Variants in DPYSL3 observed in about 807,000 individuals in gnomAD.
DPYSL3 encodes the protein dihydropyrimidinase-related protein 3.
DPYSL3 carries 16 observed loss-of-function variants against 66.1 expected under a neutral mutation model. The ratio of observed to expected loss-of-function variants is 0.24; its 90% CI spans 0.16 to 0.37. The LOEUF (loss-of-function observed/expected upper bound fraction) is 0.37, where lower values mean the gene tolerates loss of function less well. Ranked by LOEUF, DPYSL3 falls within the 10% of genes least tolerant of loss-of-function variation. The pLI is 1.00. For synonymous variants in DPYSL3, 338 were observed against 345.1 expected (o/e 0.98, Z 0.23); for missense variants, 738 against 916.2 (o/e 0.81, Z 2.51).
At chr5:147,407,962 T>C (rs1751743046) in intron 7 of DPYSL3, among the ~76,000 whole-genome samples, 1 of 152,200 alleles carries the variant, frequency 6.6e-6, no homozygotes, top group Non-Finnish European at 1.5e-5. Flanking sequence ...ATGTGTTCTA[T>C]TTATATTTTA....
intron 1 of DPYSL3, among the ~76,000 whole-genome samples, chr5:147,434,588 A>G (rs1262884804): frequency 6.6e-6 from 1 of 152,230 alleles, no homozygotes; most frequent in Non-Finnish European, 1.5e-5. Context: ...TGTAACTACT[A>G]GCCATGAAGT....
chr5:147,423,487 A>C (rs1390273596), intron 2 of DPYSL3, among the ~76,000 whole-genome samples: 1 of 152,234 alleles, frequency 6.6e-6, no homozygotes, highest in Non-Finnish European at 1.5e-5. Flanking sequence ...ATTGAGAGAA[A>C]GCATGCAAAA....
At chr5:147,442,727 A>C (rs569782695) in intron 1 of DPYSL3, among the ~76,000 whole-genome samples, 1 of 152,244 alleles carries the variant, frequency 6.6e-6, no homozygotes, top group East Asian at 1.9e-4. Context: ...TAAAAATTAA[A>C]TTATGGAAGG....
At position 147,392,597 on chromosome 5, in the gene DPYSL3, A is replaced by G. The variant is rs1757843709; in HGVS notation, c.*1438T>C. On this transcript the variant is annotated 3_prime_UTR_variant, in exon 14 of 14. Transcript: ENST00000343218. ...TTCTATAGATTCTTATCTTGCTCAC[A>G]GGACTTGCTCCAAAACTGAATTTTC... 6.6e-6 allele frequency: 1 copy of G among 152,266 alleles called. No individual in the cohort carries two copies. The highest frequency in any genetic ancestry group is 2.4e-5 in the African/African-American group (1 of 41,474). 9.4% of individuals were successfully genotyped at this position (152,266 alleles called of 1,614,324 possible).
At chr5:147,489,214 A>G (rs901688682) in intron 1 of DPYSL3, among the ~76,000 whole-genome samples, 32 of 151,784 alleles carry the variant, frequency 2.1e-4, no homozygotes, top group African/African-American at 7.5e-4. Context: ...CTGCTTTCCT[A>G]TTTTGATTCT....
At position 147,392,283 on chromosome 5, in the gene DPYSL3, G is replaced by A. The variant is rs566108899; in HGVS notation, c.*1752C>T. ...AGCTTCCCTATTCTAAGGGGAAATA[G>A]TCTTTTTTCATGATTTGAACAGAAG... On this transcript the variant is annotated 3_prime_UTR_variant, in exon 14 of 14. Coordinates refer to ENST00000343218, the MANE Select transcript of DPYSL3 (RefSeq NM_001197294.2). 6.6e-6 allele frequency: 1 copy of A among 152,322 alleles called. No homozygotes were observed. The highest frequency in any genetic ancestry group is 6.5e-5 in the Admixed American group (1 of 15,302). The allele number at this position is 152,322 out of a possible 1,614,324, so 9.4% of individuals were successfully genotyped here. A position where few individuals can be genotyped will look rare whatever the true frequency, so the allele number is the denominator to read the frequency against.
At chr5:147,466,382 C>G (rs1002630257) in intron 1 of DPYSL3, among the ~76,000 whole-genome samples, 1 of 152,126 alleles carries the variant, frequency 6.6e-6, no homozygotes. Context: ...GATATCTGTT[C>G]AGAATTAAGA....
intron 1 of DPYSL3, among the ~76,000 whole-genome samples, chr5:147,459,833 G>T (rs570274966): frequency 9.8e-5 from 15 of 152,324 alleles, no homozygotes; most frequent in African/African-American, 3.6e-4. Flanking sequence ...GCGAGAGGCC[G>T]GGTGCTGTGG....
chr5:147,468,818 G>A (rs1050286326), intron 1 of DPYSL3, among the ~76,000 whole-genome samples: 5 of 152,074 alleles, frequency 3.3e-5, no homozygotes, highest in African/African-American at 9.7e-5. Context: ...TTGGTGTGCT[G>A]CACCCATTAC....
chr5:147,507,506 A>T (rs938895517), intron 1 of DPYSL3, among the ~76,000 whole-genome samples: 5 of 152,166 alleles, frequency 3.3e-5, no homozygotes, highest in Admixed American at 2.0e-4. Context: ...ACATTTATTG[A>T]GCACCTCCAA....
Position 147,391,117 on chromosome 5 carries a change from AGCCTGGGAAGCTTG to A in DPYSL3, c.*2904_*2917del, listed in dbSNP as rs1757786998. On this transcript the variant is annotated 3_prime_UTR_variant, in exon 14 of 14. Coordinates refer to ENST00000343218, the MANE Select transcript of DPYSL3 (RefSeq NM_001197294.2). Reference sequence around the variant, plus strand: ...CAAGCTGGAGTTTTCCAGGGGAGAAAGCCTGGGAAGCTTGTGGCAAGGAAGTTGGGAATTGCCCA... The same window carrying A: ...CAAGCTGGAGTTTTCCAGGGGAGAAATGGCAAGGAAGTTGGGAATTGCCCA... 1 of 152,582 alleles carries A rather than the reference AGCCTGGGAAGCTTG, an allele frequency of 6.6e-6. No homozygotes were observed. The highest frequency in any genetic ancestry group is 2.1e-4 in the South Asian group (1 of 4,834). The allele number at this position is 152,582 out of a possible 1,614,324, so 9.5% of individuals were successfully genotyped here. A position where few individuals can be genotyped will look rare whatever the true frequency, so the allele number is the denominator to read the frequency against.
intron 1 of DPYSL3, among the ~76,000 whole-genome samples, chr5:147,429,357 A>G (rs1752264248): frequency 6.6e-6 from 1 of 152,112 alleles, no homozygotes; most frequent in Admixed American, 6.5e-5. Flanking sequence ...AGAATCAGAC[A>G]CACCACTTAA....
intron 1 of DPYSL3, among the ~76,000 whole-genome samples, chr5:147,488,514 C>G (rs1753369305): frequency 6.6e-6 from 1 of 152,138 alleles, no homozygotes; most frequent in African/African-American, 2.4e-5. Flanking sequence ...AAAAAATTAT[C>G]ATTACCAGCC....
chr5:147,491,066 C>T (rs1753408586), intron 1 of DPYSL3, among the ~76,000 whole-genome samples: 1 of 152,164 alleles, frequency 6.6e-6, no homozygotes, highest in South Asian at 2.1e-4. Flanking sequence ...TTATTAGAGC[C>T]TAAGCTGCTA....
chr5:147,461,410 G>A (rs191900337), intron 1 of DPYSL3, among the ~76,000 whole-genome samples: 1 of 152,166 alleles, frequency 6.6e-6, no homozygotes, highest in East Asian at 1.9e-4. Context: ...TAAAACCCCT[G>A]CATTTCACCA....
intron 1 of DPYSL3, among the ~76,000 whole-genome samples, chr5:147,436,056 G>A (rs779807893): frequency 6.6e-6 from 1 of 152,180 alleles, no homozygotes; most frequent in Non-Finnish European, 1.5e-5. Context: ...GGAATCAGGG[G>A]AAAATACCCC....
intron 1 of DPYSL3, among the ~76,000 whole-genome samples, chr5:147,480,695 A>ATG (rs1491387592): frequency 7.6e-6 from 1 of 130,756 alleles, no homozygotes; most frequent in East Asian, 2.1e-4. Context: ...CACATCATGA[A>ATG]TATATATATA....
At chr5:147,493,946 A>T (rs1353417003) in intron 1 of DPYSL3, among the ~76,000 whole-genome samples, 1 of 152,156 alleles carries the variant, frequency 6.6e-6, no homozygotes, top group Non-Finnish European at 1.5e-5. Flanking sequence ...TAAGCCCAAC[A>T]CTTTGGGAGG....
intron 1 of DPYSL3, among the ~76,000 whole-genome samples, chr5:147,426,921 G>A (rs1752208679): frequency 6.6e-6 from 1 of 152,154 alleles, no homozygotes; most frequent in Admixed American, 6.5e-5. Flanking sequence ...TATGTGGCAA[G>A]GAAGATATGC....
Sources: allele counts gnomAD v4.1 joint callset (sites outside exome capture counted in the v4.1 genomes callset), GRCh38; gene constraint gnomAD v4.1.1; transcripts MANE v1.5; gene names NCBI Gene and HGNC (gene_info 2026-07-23, HGNC 2026-07-21).